The following OR5BS1 variants were observed in gnomAD, a reference collection of about 807,000 sequenced individuals.
The protein encoded by OR5BS1 is olfactory receptor family 5 subfamily BS member 1.
the OR5BS1 span, among the ~76,000 whole-genome samples, chr12:48,561,100 CAAAAA>C: frequency 9.1e-6 from 1 of 109,684 alleles, no homozygotes. Context: ...GAGACTAGGT[CAAAAA>C]AAAAAAAAAA....
At chr12:48,559,984 T>A in the OR5BS1 span, 1 of 402,862 alleles carries the variant, frequency 2.5e-6, no homozygotes, top group Non-Finnish European at 4.4e-6. Context: ...CCTGGTGATT[T>A]ACCTCTTGAC....
the OR5BS1 span, among the ~76,000 whole-genome samples, chr12:48,561,948 A>T: frequency 3.8e-4 from 1 of 2,646 alleles, no homozygotes; most frequent in East Asian, 0.083. Flanking sequence ...CAGTAAAATG[A>T]CTATTTTTTT....
the OR5BS1 span, chr12:48,560,126 T>C: frequency 2.5e-6 from 1 of 401,856 alleles, no homozygotes; most frequent in Non-Finnish European, 4.4e-6. Flanking sequence ...CCTAAACTGC[T>C]AGAGAACCTT....
At chr12:48,560,533 T>C in the OR5BS1 span, 1 of 402,022 alleles carries the variant, frequency 2.5e-6, no homozygotes, top group Non-Finnish European at 4.4e-6. Context: ...GCTGGGTTCC[T>C]ACAGCTGTAT....
chr12:48,560,393 C>T, the OR5BS1 span: 2 of 401,438 alleles, frequency 5.0e-6, no homozygotes, highest in Non-Finnish European at 8.8e-6. Flanking sequence ...TTCTGCGGCC[C>T]TAATGTCATC....
the OR5BS1 span, chr12:48,560,221 C>T: frequency 2.5e-6 from 1 of 401,292 alleles, no homozygotes; most frequent in Non-Finnish European, 4.4e-6. Flanking sequence ...TGAGGCTTGC[C>T]TCCTCTCGGT....
the OR5BS1 span, among the ~76,000 whole-genome samples, chr12:48,561,957 T>TC: frequency 6.6e-6 from 1 of 151,430 alleles, no homozygotes; most frequent in Non-Finnish European, 1.5e-5. Flanking sequence ...GACTATTTTT[T>TC]TTATAACCAA....
chr12:48,562,932 C>G, the OR5BS1 span: 14 of 401,298 alleles, frequency 3.5e-5, no homozygotes, highest in African/African-American at 2.1e-4. Flanking sequence ...GGATGCTGGC[C>G]AGGAAGTCCA....
the OR5BS1 span, chr12:48,560,767 C>G: frequency 2.5e-6 from 1 of 397,224 alleles, no homozygotes; most frequent in African/African-American, 2.1e-5. Flanking sequence ...GGCCTAGGCT[C>G]TAGTGCTGGC....
At chr12:48,562,356 C>T in the OR5BS1 span, among the ~76,000 whole-genome samples, 6 of 152,246 alleles carry the variant, frequency 3.9e-5, no homozygotes, top group East Asian at 3.9e-4. Context: ...GAGAACATTG[C>T]GTTTCTGTAC....
chr12:48,560,364 C>G, the OR5BS1 span: 2 of 401,584 alleles, frequency 5.0e-6, no homozygotes, highest in Middle Eastern at 6.2e-4. Context: ...TTAACACCCT[C>G]CTCCTGGCTC....
chr12:48,560,609 C>T, the OR5BS1 span: 1 of 401,550 alleles, frequency 2.5e-6, no homozygotes, highest in Admixed American at 4.4e-5. Flanking sequence ...ACCTGCTCTT[C>T]CCATTTCCTT....
At chr12:48,560,245 C>T in the OR5BS1 span, 4 of 401,116 alleles carry the variant, frequency 1.0e-5, no homozygotes, top group Middle Eastern at 3.1e-4. Context: ...GGCCTATGAC[C>T]GGTTTCAGGC....
the OR5BS1 span, among the ~76,000 whole-genome samples, chr12:48,562,019 A>G: frequency 6.6e-6 from 1 of 152,188 alleles, no homozygotes; most frequent in Non-Finnish European, 1.5e-5. Context: ...TCCAATAATG[A>G]TGGTGCCACT....
the OR5BS1 span, chr12:48,562,697 T>C: frequency 5.0e-6 from 2 of 398,646 alleles, no homozygotes; most frequent in East Asian, 7.1e-5. Flanking sequence ...AAGACCTCCT[T>C]TGCAGAGTCT....
the OR5BS1 span, chr12:48,562,849 AGT>A: frequency 2.5e-6 from 1 of 402,166 alleles, no homozygotes; most frequent in Non-Finnish European, 4.4e-6. Context: ...CGTGCAGTAC[AGT>A]GTGATAACCC....
the OR5BS1 span, chr12:48,560,339 TG>T: frequency 2.5e-6 from 1 of 401,464 alleles, no homozygotes; most frequent in African/African-American, 2.0e-5. Context: ...GCCATAGGAA[TG>T]GGGACTGGCC....
At chr12:48,561,328 G>A in the OR5BS1 span, among the ~76,000 whole-genome samples, 15 of 152,014 alleles carry the variant, frequency 9.9e-5, no homozygotes, top group Non-Finnish European at 1.6e-4. Context: ...GGGAGATGTC[G>A]CCAAAGCTTA....
the OR5BS1 span, among the ~76,000 whole-genome samples, chr12:48,562,629 A>T: frequency 6.6e-6 from 1 of 152,188 alleles, no homozygotes; most frequent in Non-Finnish European, 1.5e-5. Flanking sequence ...GGCAGAAATG[A>T]CTGACTTTTC....
Sources: gnomAD v4.1 joint callset for allele counts (sites outside exome capture counted in the v4.1 genomes callset) on GRCh38, gnomAD v4.1.1 for gene constraint, MANE v1.5 for transcripts, NCBI Gene and HGNC (gene_info 2026-07-23, HGNC 2026-07-21) for gene names.